Variants in GPHN observed in about 807,000 individuals in gnomAD.
The protein encoded by GPHN is gephyrin.
Under a neutral mutation model 95.5 loss-of-function variants are expected in GPHN, and 17 were observed. The observed-to-expected ratio is 0.18, with a 90% confidence interval of 0.12 to 0.27. GPHN has a LOEUF of 0.27. Among genes scored for constraint, GPHN ranks in the 10% least tolerant of loss-of-function variants. The probability of loss-of-function intolerance (pLI) is 1.00; values close to 1 mark genes in which losing one functional copy is unlikely to be tolerated. For synonymous variants in GPHN, 320 were observed against 322.5 expected, an observed-to-expected ratio of 0.99 and a Z score of 0.08; for missense variants, 660 against 978.1, an observed-to-expected ratio of 0.67 and a Z score of 4.34.
the GPHN span, among the ~76,000 whole-genome samples, chr14:67,304,876 T>G: frequency 2.9e-3 from 440 of 152,362 alleles, 1 homozygote; most frequent in Non-Finnish European, 4.7e-3. Context: ...ATTCTTAACT[T>G]TAAAGCATAG....
chr14:66,845,622 A>G (rs1436982610), intron 4 of GPHN, among the ~76,000 whole-genome samples: 2 of 152,156 alleles, frequency 1.3e-5, no homozygotes, highest in Admixed American at 6.6e-5. Context: ...GATGACTAAG[A>G]TGAGGGAACC....
At chr14:66,777,503 G>C (rs559312593) in intron 3 of GPHN, among the ~76,000 whole-genome samples, 1 of 151,998 alleles carries the variant, frequency 6.6e-6, no homozygotes, top group African/African-American at 2.4e-5. Context: ...TACCAAAGCC[G>C]GGCAGAGACA....
the GPHN span, chr14:67,571,613 C>A: frequency 1.3e-6 from 1 of 757,458 alleles, no homozygotes; most frequent in Non-Finnish European, 2.2e-6. Context: ...AGGGACCTTA[C>A]ACTGGACAGT....
chr14:66,652,933 G>A (rs1192603357), intron 1 of GPHN, among the ~76,000 whole-genome samples: 2 of 152,172 alleles, frequency 1.3e-5, no homozygotes, highest in Non-Finnish European at 2.9e-5. Flanking sequence ...ACAACCTCCT[G>A]CATTCCATGC....
intron 1 of GPHN, among the ~76,000 whole-genome samples, chr14:66,642,730 C>T (rs1349550779): frequency 1.3e-5 from 2 of 151,884 alleles, no homozygotes; most frequent in Non-Finnish European, 2.9e-5. Flanking sequence ...TGCATATATG[C>T]TTCTACCTGA....
chr14:67,163,806 TATA>T (rs1462159073), intron 19 of GPHN, among the ~76,000 whole-genome samples: 3 of 152,158 alleles, frequency 2.0e-5, no homozygotes, highest in East Asian at 1.9e-4. Context: ...GGTTCATTAA[TATA>T]ATGAGATTTA....
chr14:66,933,340 C>T (rs2066926998), intron 8 of GPHN, among the ~76,000 whole-genome samples: 1 of 152,160 alleles, frequency 6.6e-6, no homozygotes, highest in African/African-American at 2.4e-5. Flanking sequence ...TCTGAATGAC[C>T]TGGTGTGTTG....
chr14:67,379,741 G>T, the GPHN span, among the ~76,000 whole-genome samples: 1 of 129,276 alleles, frequency 7.7e-6, no homozygotes, highest in Admixed American at 8.7e-5. Context: ...TGCAAGCTCC[G>T]CCTCCCGGGT....
In GPHN at chr14:66,924,286, T is replaced by C; in HGVS notation, c.822T>C (p.Asp274=). ...GLINYSHHST[D]ERIPDSIISR... ...TCAATTATTCCCATCATTCAACAGATGAACGGGTAAGACAAGAGGCTTTTG... is the reference window on the plus strand; with the variant it reads ...TCAATTATTCCCATCATTCAACAGACGAACGGGTAAGACAAGAGGCTTTTG... Residue 274 remains aspartate, a synonymous_variant, in exon 8 of 23, where the codon GAT becomes GAC. Coordinates refer to ENST00000478722, the MANE Select transcript of GPHN (RefSeq NM_020806.5). The C allele has an allele frequency of 2.5e-6, 4 of 1,582,878 alleles. No homozygotes were observed. The highest frequency in any genetic ancestry group is 3.5e-6 in the Non-Finnish European group (4 of 1,151,524).
chr14:66,570,125 A>AT (rs898009651), intron 1 of GPHN, among the ~76,000 whole-genome samples: 109 of 151,352 alleles, frequency 7.2e-4, no homozygotes, highest in African/African-American at 2.3e-3. Flanking sequence ...AGATATATAT[A>AT]TTTTTTTTAA....
intron 18 of GPHN, among the ~76,000 whole-genome samples, chr14:67,149,902 T>C (rs1295333328): frequency 6.6e-6 from 1 of 152,182 alleles, no homozygotes; most frequent in Non-Finnish European, 1.5e-5. Flanking sequence ...TATATTCACC[T>C]TAAGAAGTAC....
intron 17 of GPHN, among the ~76,000 whole-genome samples, chr14:67,134,914 CTCTT>C (rs1203879766): frequency 9.7e-6 from 1 of 103,178 alleles, no homozygotes. Flanking sequence ...TCCTTTCTCT[CTCTT>C]TCTTTCTCTC....
intron 1 of GPHN, among the ~76,000 whole-genome samples, chr14:66,628,081 GA>G (rs1255648556): frequency 6.6e-6 from 1 of 152,106 alleles, no homozygotes; most frequent in Non-Finnish European, 1.5e-5. Flanking sequence ...GATAACAGTA[GA>G]ATAATGCAGT....
At chr14:66,832,446 C>A (rs1412559992) in intron 4 of GPHN, among the ~76,000 whole-genome samples, 1 of 152,154 alleles carries the variant, frequency 6.6e-6, no homozygotes, top group Non-Finnish European at 1.5e-5. Context: ...CTATTGTTAA[C>A]TACAAACATA....
At chr14:66,998,841 G>A (rs928023892) in intron 9 of GPHN, among the ~76,000 whole-genome samples, 9 of 145,342 alleles carry the variant, frequency 6.2e-5, no homozygotes, top group African/African-American at 2.3e-4. Flanking sequence ...ATACTATTTA[G>A]CAAAAACATT....
At chr14:66,620,140 C>G (rs2063230380) in intron 1 of GPHN, among the ~76,000 whole-genome samples, 1 of 151,976 alleles carries the variant, frequency 6.6e-6, no homozygotes, top group Non-Finnish European at 1.5e-5. Flanking sequence ...TCACACTTAC[C>G]CATGTGATAG....
chr14:67,135,246 C>A (rs1425560306), intron 17 of GPHN, among the ~76,000 whole-genome samples: 4 of 152,176 alleles, frequency 2.6e-5, no homozygotes, highest in Non-Finnish European at 5.9e-5. Flanking sequence ...AGGTGTGAGA[C>A]ACCATGCCCA....
rs565626896 is a variant in GPHN, at chr14:66,965,963, T to C, written c.963+638T>C. Reference sequence around the variant, plus strand: ...TATGCTGTTCACATCTTTGTATACATGATAAATTAACTAGCAGACATTATT... The same window carrying C: ...TATGCTGTTCACATCTTTGTATACACGATAAATTAACTAGCAGACATTATT... On this transcript the variant is annotated intron_variant, in intron 9 of 22. Coordinates refer to ENST00000478722, the MANE Select transcript of GPHN (RefSeq NM_020806.5). 1.4e-4 allele frequency among the ~76,000 whole-genome samples: 22 copies of C among 152,304 alleles called. 1 individual carries two copies. Among genetic ancestry groups the C allele is most frequent in the Admixed American group, 1.2e-3 (18 of 15,294 alleles).
At chr14:67,550,555 A>T in the GPHN span, among the ~76,000 whole-genome samples, 3 of 152,234 alleles carry the variant, frequency 2.0e-5, no homozygotes, top group African/African-American at 7.2e-5. Flanking sequence ...TTGCAAACTC[A>T]AATGTTTGCA....
Sources: allele counts gnomAD v4.1 joint callset (sites outside exome capture counted in the v4.1 genomes callset), GRCh38; gene constraint gnomAD v4.1.1; transcripts MANE v1.5; gene names NCBI Gene and HGNC (gene_info 2026-07-23, HGNC 2026-07-21).